Variants in FGF1 observed in about 807,000 individuals in gnomAD.
FGF1 encodes beta-endothelial cell growth factor.
In FGF1, 9 loss-of-function variants were observed where a neutral mutation model predicts 13.4. The ratio of observed to expected loss-of-function variants is 0.67; its 90% CI spans 0.40 to 1.17. The LOEUF is 1.17. Among genes scored for constraint, FGF1 ranks in the 50% most tolerant of loss-of-function variants. The pLI is 0.01. For missense variants in FGF1, 156 were observed against 192.7 expected, an observed-to-expected ratio of 0.81 and a Z score of 1.13; for synonymous variants, 93 against 79.0, an observed-to-expected ratio of 1.18 and a Z score of -0.94.
chr5:142,632,325 G>A (rs1409970748), intron 1 of FGF1, among the ~76,000 whole-genome samples: 1 of 152,156 alleles, frequency 6.6e-6, no homozygotes. Flanking sequence ...AAATGACTAA[G>A]GAGACTTAAA....
intron 1 of FGF1, among the ~76,000 whole-genome samples, chr5:142,645,716 C>T (rs528817100): frequency 8.5e-5 from 13 of 152,296 alleles, no homozygotes; most frequent in South Asian, 4.1e-4. Flanking sequence ...CTTCCTCCAA[C>T]GGCCTCCATT....
chr5:142,633,552 T>C (rs1356369724), intron 1 of FGF1, among the ~76,000 whole-genome samples: 1 of 152,220 alleles, frequency 6.6e-6, no homozygotes, highest in Non-Finnish European at 1.5e-5. Context: ...GTAGCATTCA[T>C]GGAATTTCCC....
intron 1 of FGF1, among the ~76,000 whole-genome samples, chr5:142,644,920 A>C (rs1597294537): frequency 1.3e-5 from 2 of 152,306 alleles, no homozygotes; most frequent in Admixed American, 6.5e-5. Context: ...GAACCAGTTA[A>C]CTCGCCAGCT....
intron 1 of FGF1, among the ~76,000 whole-genome samples, chr5:142,668,526 A>C (rs959768460): frequency 6.6e-6 from 1 of 152,168 alleles, no homozygotes; most frequent in Non-Finnish European, 1.5e-5. Flanking sequence ...ACCCAGACAC[A>C]GTTAGGTAAT....
rs1030982352 is a variant in FGF1, at chr5:142,595,193, G to A, written c.*97C>T. On this transcript the variant is annotated 3_prime_UTR_variant, in exon 4 of 4. Transcript: ENST00000337706. ...CAAATTCAGGCTCTGTGGGCTGGGG[G>A]TTAGCGCAGCCAATGGTCAAGGGAA... The A allele has an allele frequency of 7.2e-6, 7 of 978,294 alleles. No homozygotes were observed. Among genetic ancestry groups the A allele is most frequent in the Non-Finnish European group, 9.3e-6 (6 of 647,676 alleles). 60.6% of individuals were successfully genotyped at this position (978,294 alleles called of 1,614,324 possible). A position where few individuals can be genotyped will look rare whatever the true frequency, so the allele number is the denominator to read the frequency against.
upstream of FGF1, among the ~76,000 whole-genome samples, chr5:142,688,843 G>C (rs1181722135): frequency 6.6e-6 from 1 of 152,058 alleles, no homozygotes; most frequent in Non-Finnish European, 1.5e-5. Context: ...AGAGCACTTA[G>C]GCAGCTGCTA....
chr5:142,607,765 T>C (rs1758011278), intron 2 of FGF1, among the ~76,000 whole-genome samples: 1 of 152,186 alleles, frequency 6.6e-6, no homozygotes. Flanking sequence ...ATGTGCAAAC[T>C]CACCTTTGTG....
upstream of FGF1, among the ~76,000 whole-genome samples, chr5:142,689,645 C>T (rs556471664): frequency 2.0e-5 from 3 of 150,668 alleles, no homozygotes; most frequent in East Asian, 5.9e-4. Flanking sequence ...TTCCTCTCCT[C>T]TAATATTGAT....
chr5:142,684,548 A>T (rs17223177), intron 1 of FGF1, among the ~76,000 whole-genome samples: 2 of 152,238 alleles, frequency 1.3e-5, no homozygotes, highest in Non-Finnish European at 2.9e-5. Context: ...CAAATTGTTG[A>T]TCTTGCCTTC....
chr5:142,645,692 T>C (rs1161478757), intron 1 of FGF1, among the ~76,000 whole-genome samples: 2 of 152,210 alleles, frequency 1.3e-5, no homozygotes, highest in Admixed American at 6.5e-5. Context: ...TTGACAGAGT[T>C]GTTCTTTTAC....
intron 1 of FGF1, among the ~76,000 whole-genome samples, chr5:142,649,430 G>C (rs138606310): frequency 6.6e-6 from 1 of 150,572 alleles, no homozygotes; most frequent in African/African-American, 2.4e-5. Context: ...TTTTTGAGAC[G>C]GAGTCTCGCT....
At chr5:142,655,296 T>C (rs953832555) in intron 1 of FGF1, among the ~76,000 whole-genome samples, 3 of 152,192 alleles carry the variant, frequency 2.0e-5, no homozygotes, top group Non-Finnish European at 4.4e-5. Flanking sequence ...TCACACATAA[T>C]AAGTGAAGCG....
chr5:142,650,642 C>T lies in FGF1; in HGVS notation c.-35+35315G>A, dbSNP rs531665084. On this transcript the variant is annotated intron_variant, in intron 1 of 3. Transcript: ENST00000337706. ...TTGTTTGACCCCTTTATAATCAATG[C>T]ATATACACTTTATATGTGTGTGTGT... 3.3e-5 allele frequency among the ~76,000 whole-genome samples: 5 copies of T among 152,060 alleles called. No homozygotes were observed. In the South Asian group the frequency reaches 1.0e-3, roughly 32 times the overall value.
intron 1 of FGF1, among the ~76,000 whole-genome samples, chr5:142,662,410 C>T (rs535549677): frequency 5.3e-5 from 8 of 152,258 alleles, no homozygotes; most frequent in Non-Finnish European, 1.2e-4. Flanking sequence ...TATTAGAGTT[C>T]AATATTAGGT....
intron 1 of FGF1, among the ~76,000 whole-genome samples, chr5:142,618,993 G>A (rs907626343): frequency 7.6e-6 from 1 of 131,838 alleles, no homozygotes; most frequent in African/African-American, 2.9e-5. Context: ...GGATTGCAGT[G>A]GCACAATCTC....
At chr5:142,682,439 A>T (rs143445768) in intron 1 of FGF1, among the ~76,000 whole-genome samples, 100 of 152,292 alleles carry the variant, frequency 6.6e-4, no homozygotes, top group African/African-American at 2.3e-3. Context: ...TAGCAAATAC[A>T]TGGTACTCAC....
At chr5:142,690,270 C>T (rs2152068213), upstream of FGF1, among the ~76,000 whole-genome samples, 1 of 151,988 alleles carries the variant, frequency 6.6e-6, no homozygotes, top group East Asian at 2.0e-4. Context: ...ACCCGGGAGG[C>T]GGAGCTTGCA....
intron 1 of FGF1, among the ~76,000 whole-genome samples, chr5:142,683,026 G>A (rs896769228): frequency 6.6e-6 from 1 of 152,120 alleles, no homozygotes; most frequent in African/African-American, 2.4e-5. Flanking sequence ...AGATGGGGAC[G>A]CCTTGCTGGT....
chr5:142,678,158 C>G (rs926258583), intron 1 of FGF1, among the ~76,000 whole-genome samples: 2 of 151,962 alleles, frequency 1.3e-5, no homozygotes, highest in African/African-American at 2.4e-5. Context: ...TGGATCTTAC[C>G]CCCCAAGAGG....
Sources: gnomAD v4.1 joint callset for allele counts (sites outside exome capture counted in the v4.1 genomes callset) on GRCh38, gnomAD v4.1.1 for gene constraint, MANE v1.5 for transcripts, NCBI Gene and HGNC (gene_info 2026-07-23, HGNC 2026-07-21) for gene names.